Variants in CASQ2 observed in about 807,000 individuals in gnomAD.
The protein encoded by CASQ2 is calsequestrin-2.
A neutral mutation model predicts 46.5 loss-of-function variants in CASQ2; 49 were observed. The ratio of observed to expected loss-of-function variants is 1.05; its 90% CI spans 0.84 to 1.34. The LOEUF (loss-of-function observed/expected upper bound fraction) is 1.34. Among genes scored for constraint, CASQ2 ranks in the 40% most tolerant of loss-of-function variants. The pLI is 0.00. For synonymous variants in CASQ2, 174 were observed against 168.5 expected (o/e 1.03, Z -0.25); for missense variants, 486 against 481.3 (o/e 1.01, Z -0.09).
At chr1:115,724,636 T>G (rs1172347269) in intron 7 of CASQ2, among the ~76,000 whole-genome samples, 1 of 152,240 alleles carries the variant, frequency 6.6e-6, no homozygotes, top group East Asian at 1.9e-4. Context: ...TAACACTGTT[T>G]GAGCTGCCTG....
chr1:115,742,262 A>C (rs748399588), intron 2 of CASQ2, among the ~76,000 whole-genome samples: 1 of 151,954 alleles, frequency 6.6e-6, no homozygotes, highest in Non-Finnish European at 1.5e-5. Flanking sequence ...CAAGCATGAG[A>C]CACCGTGTCT....
At chr1:115,717,987 AGGAGAGGTAG>A in intron 7 of CASQ2, 93 bp from the exon 8 acceptor site, 1 of 851,228 alleles carries the variant, frequency 1.2e-6, no homozygotes, top group Non-Finnish European at 2.0e-6. Context: ...GAATGGGAAT[AGGAGAGGTAG>A]GGAGAGGTGT....
chr1:115,746,926 C>T (rs945422968), intron 1 of CASQ2, among the ~76,000 whole-genome samples: 1 of 152,040 alleles, frequency 6.6e-6, no homozygotes, highest in African/African-American at 2.4e-5. Flanking sequence ...GTGTTGAGAA[C>T]ATTCAATATC....
intron 1 of CASQ2, among the ~76,000 whole-genome samples, chr1:115,746,704 GT>G (rs904125624): frequency 2.0e-5 from 3 of 151,976 alleles, no homozygotes; most frequent in African/African-American, 7.3e-5. Flanking sequence ...AATTTTGAGA[GT>G]TTTTTTAAAT....
intron 8 of CASQ2, among the ~76,000 whole-genome samples, chr1:115,708,495 C>T (rs531078523): frequency 3.2e-4 from 48 of 152,144 alleles, no homozygotes; most frequent in Non-Finnish European, 6.0e-4. Context: ...TGACCTTGGC[C>T]AAGGTCGTGG....
chr1:115,746,981 T>C (rs1338017284), intron 1 of CASQ2, among the ~76,000 whole-genome samples: 12 of 152,176 alleles, frequency 7.9e-5, no homozygotes, highest in Non-Finnish European at 1.5e-5. Flanking sequence ...AGAACAAAAA[T>C]TGTCAATTTT....
chr1:115,744,154 A>AG, intron 2 of CASQ2, among the ~76,000 whole-genome samples: 1 of 150,398 alleles, frequency 6.6e-6, no homozygotes, highest in Admixed American at 6.6e-5. Context: ...AAAAAAAAAA[A>AG]AAAGAAAAAA....
intron 8 of CASQ2, among the ~76,000 whole-genome samples, chr1:115,713,916 C>T (rs74730886): frequency 0.057 from 8,709 of 152,184 alleles, 320 homozygotes; most frequent in Middle Eastern, 0.1. Flanking sequence ...ACTGCATTGC[C>T]CTGGGTCTCC....
intron 10 of CASQ2, 31 bp downstream of exon 10, chr1:115,702,890 G>A (rs769303847): frequency 1.3e-6 from 2 of 1,540,678 alleles, no homozygotes; most frequent in Non-Finnish European, 1.8e-6. Flanking sequence ...GGCCAAGGGT[G>A]CCTGAGCAAG....
chr1:115,743,360 C>T (rs1648262687), intron 2 of CASQ2, among the ~76,000 whole-genome samples: 1 of 151,988 alleles, frequency 6.6e-6, no homozygotes, highest in Admixed American at 6.6e-5. Context: ...TCTCTCATCC[C>T]AGCCTCCCAA....
chr1:115,749,873 T>C (rs1165358396), intron 1 of CASQ2, among the ~76,000 whole-genome samples: 1 of 152,224 alleles, frequency 6.6e-6, no homozygotes, highest in Non-Finnish European at 1.5e-5. Flanking sequence ...CTGGCCACCG[T>C]TGGCTGCAGA....
chr1:115,764,999 G>T (rs1173299521), intron 1 of CASQ2, among the ~76,000 whole-genome samples: 1 of 152,160 alleles, frequency 6.6e-6, no homozygotes, highest in Non-Finnish European at 1.5e-5. Flanking sequence ...TTAGGAAAAA[G>T]CTAGCAGGTG....
At chr1:115,757,727 ATTT>A (rs1648810986) in intron 1 of CASQ2, among the ~76,000 whole-genome samples, 1 of 152,102 alleles carries the variant, frequency 6.6e-6, no homozygotes, top group African/African-American at 2.4e-5. Context: ...AAAAAAATCA[ATTT>A]TACCCATATT....
Position 115,768,314 on chromosome 1 carries a change from C to A in CASQ2, c.228G>T (p.Val76=), listed in dbSNP as rs151250797. 9.9e-6 allele frequency: 16 copies of A among 1,610,044 alleles called. No individual in the cohort carries two copies. Among genetic ancestry groups the A allele is most frequent in the East Asian group, 2.2e-5 (1 of 44,856 alleles). Residue 76 remains valine, a synonymous_variant, in exon 1 of 11, where the codon GTG becomes GTT. Transcript: ENST00000261448. ...ATGCCCTTTGGTTACTTACCTCAAG[C>A]ACGATTTCTTTCAGTTGGAACTGTT... is the stretch of plus-strand genomic sequence containing the variant. ...TQKQFQLKEI[V]LELVAQVLEH...
intron 1 of CASQ2, among the ~76,000 whole-genome samples, chr1:115,759,251 C>T (rs1268850277): frequency 6.6e-6 from 1 of 152,188 alleles, no homozygotes; most frequent in Non-Finnish European, 1.5e-5. Flanking sequence ...TAGTGTTCAG[C>T]AGTAGGGTCT....
At chr1:115,731,303 C>T (rs564165661) in intron 5 of CASQ2, among the ~76,000 whole-genome samples, 1 of 152,172 alleles carries the variant, frequency 6.6e-6, no homozygotes, top group Non-Finnish European at 1.5e-5. Context: ...AACGTTGAAC[C>T]ACCCCTCTAA....
At chr1:115,702,837 T>C in intron 10 of CASQ2, 84 bp downstream of exon 10, 1 of 1,077,160 alleles carries the variant, frequency 9.3e-7, no homozygotes, top group Non-Finnish European at 1.4e-6. Context: ...TGGGCTACTA[T>C]AGATGCTCTC....
intron 4 of CASQ2, among the ~76,000 whole-genome samples, chr1:115,733,228 A>G (rs953990986): frequency 6.6e-6 from 1 of 152,192 alleles, no homozygotes; most frequent in Non-Finnish European, 1.5e-5. Flanking sequence ...GGTAGAAAGC[A>G]CGAAACAGAG....
At chr1:115,760,938 CTT>C (rs1396112256) in intron 1 of CASQ2, among the ~76,000 whole-genome samples, 1 of 152,126 alleles carries the variant, frequency 6.6e-6, no homozygotes, top group African/African-American at 2.4e-5. Flanking sequence ...AAACCTGACT[CTT>C]TTATACCTTC....
Sources: allele counts gnomAD v4.1 joint callset (sites outside exome capture counted in the v4.1 genomes callset), GRCh38; gene constraint gnomAD v4.1.1; transcripts MANE v1.5; gene names NCBI Gene and HGNC (gene_info 2026-07-23, HGNC 2026-07-21).